Variants in CRTC2 observed in about 807,000 individuals in gnomAD.
CRTC2 encodes the protein CREB regulated transcription coactivator 2, also known as CREB-regulated transcription coactivator 2.
In CRTC2, 25 loss-of-function variants were observed where a neutral mutation model predicts 70.9. The ratio of observed to expected loss-of-function variants is 0.35; its 90% confidence interval spans 0.26 to 0.49. CRTC2 has a LOEUF of 0.49. CRTC2 is among the 20% of genes least tolerant of loss of function. CRTC2 has a pLI of 0.98. For synonymous variants in CRTC2, 330 were observed against 364.1 expected (o/e 0.91, Z 1.07); for missense variants, 737 against 882.6 (o/e 0.83, Z 2.09).
chr1:153,958,574 A>T lies in CRTC2; in HGVS notation c.-77T>A. Reference sequence around the variant, plus strand: ...GCCGCGGCCTCGGCCCGGCTCCTCCAGCCGTAGCCACCGCCGCCTCAGCGA... The same window carrying T: ...GCCGCGGCCTCGGCCCGGCTCCTCCTGCCGTAGCCACCGCCGCCTCAGCGA... On this transcript the variant is annotated 5_prime_UTR_variant, in exon 1 of 14. Transcript: ENST00000368633. 2 of 1,407,228 alleles carry T rather than the reference A, an allele frequency of 1.4e-6. No homozygotes were observed. Among genetic ancestry groups the T allele is most frequent in the Admixed American group, 2.5e-5 (1 of 40,394 alleles). 87.2% of individuals were successfully genotyped at this position (1,407,228 alleles called of 1,614,324 possible). A position where few individuals can be genotyped will look rare whatever the true frequency, so the allele number is the denominator to read the frequency against.
intron 6 of CRTC2, 36 bp from the exon 7 acceptor site, chr1:153,952,870 A>T: frequency 6.2e-7 from 1 of 1,613,870 alleles, no homozygotes; most frequent in Non-Finnish European, 8.5e-7. Flanking sequence ...TGCAGTGCTC[A>T]CTTGCCTACC....
chr1:153,954,946 T>C lies in CRTC2; in HGVS notation c.299A>G (p.His100Arg), dbSNP rs1226890360. 5 of 1,614,094 alleles carry C rather than the reference T, an allele frequency of 3.1e-6. No homozygotes were observed. The highest frequency in any genetic ancestry group is 2.2e-5 in the South Asian group (2 of 91,076). ...SPLDSSRSTR[H>R]HGLVERVQRD... ...CTGCACCCGTTCCACCAGCCCATGG[T>C]GCCGAGTGCTCCGAGATGAATCCAA... The change falls in exon 3 of 14, where the codon CAC becomes CGC. Residue 100 changes from histidine to arginine, a missense_variant. This residue lies in a region of CRTC2 where 699 missense variants were observed against 823.7 expected (regional missense o/e 0.85). Transcript: ENST00000368633.
At chr1:153,948,947 A>G (rs772460630) in intron 12 of CRTC2, 168 bp downstream of exon 12, 2 of 793,856 alleles carry the variant, frequency 2.5e-6, no homozygotes, top group South Asian at 2.9e-5. Context: ...GCAGGAAGAG[A>G]GGAGCCCCAA....
At position 153,949,333 on chromosome 1, in the gene CRTC2, A is replaced by G. The variant is rs781518783; in HGVS notation, c.1456T>C (p.Tyr486His). The G allele has an allele frequency of 6.2e-7, 1 of 1,613,914 alleles. No individual in the cohort carries two copies. The highest frequency in any genetic ancestry group is 8.5e-7 in the Non-Finnish European group (1 of 1,179,988). Residue 486 changes from tyrosine (Y) to histidine (H), a missense_variant, in exon 12 of 14, where the codon TAC becomes CAC. Physicochemically the swap from Tyr to His is moderately conservative, Grantham distance 83 (BLOSUM62 2). Coordinates refer to ENST00000368633, the MANE Select transcript of CRTC2 (RefSeq NM_181715.3). ...ACCAGACTTGGGGAGCTGTATGGGT[A>G]TGGGGGTAACCGCTGGTCAGTGGAC... The part of the protein sequence containing the change: ...KLSTDQRLPP[Y>H]PYSSPSLVLP...
At chr1:153,953,481 C>T (rs955054203) in intron 5 of CRTC2, 57 bp downstream of exon 5, 41 of 1,556,954 alleles carry the variant, frequency 2.6e-5, no homozygotes, top group Non-Finnish European at 1.9e-5. Flanking sequence ...GGTGAGGGAG[C>T]AGGGCCCCAG....
chr1:153,952,678 C>A, intron 7 of CRTC2, 43 bp from the exon 8 acceptor site: 2 of 1,611,502 alleles, frequency 1.2e-6, no homozygotes, highest in Non-Finnish European at 1.7e-6. Flanking sequence ...GGAGAAAGAG[C>A]CAGTAAGGCA....
intron 11 of CRTC2, among the ~76,000 whole-genome samples, chr1:153,950,503 A>G (rs930477649): frequency 6.6e-6 from 1 of 152,226 alleles, no homozygotes; most frequent in African/African-American, 2.4e-5. Flanking sequence ...AGTTGGGCAG[A>G]GGAGAGGGAA....
In CRTC2 at chr1:153,948,984, G is replaced by A. The variant is rs370993337; in HGVS notation, c.1674+131C>T. 29 of 1,004,836 alleles carry A rather than the reference G, an allele frequency of 2.9e-5. No individual in the cohort carries two copies. The East Asian group carries it at 5.3e-4, about 18-fold the overall frequency. 62.2% of individuals were successfully genotyped at this position (1,004,836 alleles called of 1,614,324 possible). On this transcript the variant is annotated intron_variant, in intron 12 of 13. Transcript: ENST00000368633. ...CTGGCAGTGCTATGTTACCTCCGGGGAGAGGAGATCTCCCCACCACCCACC... is the reference window on the plus strand; with the variant it reads ...CTGGCAGTGCTATGTTACCTCCGGGAAGAGGAGATCTCCCCACCACCCACC...
chr1:153,957,157 T>A (rs1680659237), intron 1 of CRTC2, among the ~76,000 whole-genome samples: 1 of 151,398 alleles, frequency 6.6e-6, no homozygotes. Flanking sequence ...CCACCTAACT[T>A]CTGACTCCCA....
intron 13 of CRTC2, 45 bp from the exon 14 acceptor site, chr1:153,948,374 T>G: frequency 6.2e-7 from 1 of 1,613,290 alleles, no homozygotes; most frequent in Non-Finnish European, 8.5e-7. Context: ...CCTGTAAACT[T>G]TTCCAAGACC....
At position 153,949,372 on chromosome 1, in the gene CRTC2, C is replaced by T. The variant is rs1245491172; in HGVS notation, c.1417G>A (p.Asp473Asn). The T allele has an allele frequency of 1.9e-6, 3 of 1,608,936 alleles. No homozygotes were observed. The highest frequency in any genetic ancestry group is 2.5e-6 in the Non-Finnish European group (3 of 1,177,534). The change falls in exon 12 of 14, where the codon GAT (aspartate) becomes AAT (asparagine). Residue 473 changes from aspartate to asparagine, a missense_variant. Transcript: ENST00000368633. ...LSSITQGVPL[D>N]TSKLSTDQRL... ...TGGTCAGTGGACAGTTTACTGGTAT[C>T]CAGGGGGACGCCCTGAAAAGAAGTA...
chr1:153,955,025 C>T, intron 2 of CRTC2, 36 bp from the exon 3 acceptor site: 1 of 1,613,068 alleles, frequency 6.2e-7, no homozygotes, highest in Non-Finnish European at 8.5e-7. Context: ...GAGGAAGCAG[C>T]CTAAGAAACT....
chr1:153,955,111 G>A lies in CRTC2; in HGVS notation c.209C>T (p.Ser70Phe), dbSNP rs758927268. Residue 70 changes from serine (S) to phenylalanine (F), a missense_variant, in exon 2 of 14, where the codon TCT becomes TTT. Physicochemically the swap from Ser to Phe is radical, Grantham distance 155 (BLOSUM62 -2). Transcript: ENST00000368633. Reference protein sequence around the residue: ...AYTRSSHYGGSLPNVNQIGSG... With the variant: ...AYTRSSHYGGFLPNVNQIGSG... ...GCCAATCTGGTTAACATTGGGCAGA[G>A]ACCCACCATAATGAGAGCTCCTTGT... The A allele has an allele frequency of 1.2e-6, 2 of 1,614,094 alleles. No homozygotes were observed.
At position 153,948,596 on chromosome 1, in the gene CRTC2, G is replaced by C; in HGVS notation, c.1723C>G (p.Pro575Ala). The C allele has an allele frequency of 6.2e-7, 1 of 1,603,336 alleles. No homozygotes were observed. The highest frequency in any genetic ancestry group is 8.5e-7 in the Non-Finnish European group (1 of 1,175,752). ...ESPSASLVLDPPGFSEGPGFL... is the reference protein window; with the variant it reads ...ESPSASLVLDAPGFSEGPGFL... ...CCAGGCCCTTCAGAAAAGCCAGGGG[G>C]ATCCAGCACCAGGCTGGCTGATGGG... The change falls in exon 13 of 14, where the codon CCC (proline) becomes GCC (alanine). Residue 575 changes from proline to alanine, a missense_variant. Pro to Ala is a conservative substitution (Grantham distance 27). Coordinates refer to ENST00000368633, the MANE Select transcript of CRTC2 (RefSeq NM_181715.3).
chr1:153,951,835 T>C, intron 10 of CRTC2, 169 bp from the exon 11 acceptor site: 1 of 1,076,306 alleles, frequency 9.3e-7, no homozygotes. Context: ...TCCTCTTCTT[T>C]CTAGGAAACA....
At position 153,953,343 on chromosome 1, in the gene CRTC2, G is replaced by A; in HGVS notation, c.530C>T (p.Thr177Ile). 6.2e-7 allele frequency: 1 copy of A among 1,604,350 alleles called. No homozygotes were observed. Among genetic ancestry groups the A allele is most frequent in the Non-Finnish European group, 8.5e-7 (1 of 1,176,954 alleles). ...CTGGGGACTGGGGTTCATCACACTT[G>A]TATGAAGGGCAGAGTCAGAGCTTGT... Reference protein sequence around the residue: ...NRTSSDSALHTSVMNPSPQDT... With the variant: ...NRTSSDSALHISVMNPSPQDT... Residue 177 changes from threonine (T) to isoleucine (I), a missense_variant, in exon 6 of 14, where the codon ACA (threonine) becomes ATA (isoleucine). Thr to Ile is a moderately conservative substitution (Grantham distance 89). Coordinates refer to ENST00000368633, the MANE Select transcript of CRTC2 (RefSeq NM_181715.3).
chr1:153,954,657 C>T (rs1680531844), intron 3 of CRTC2, among the ~76,000 whole-genome samples: 1 of 152,188 alleles, frequency 6.6e-6, no homozygotes, highest in African/African-American at 2.4e-5. Flanking sequence ...ACAGCCAGAG[C>T]CAGCCAGAGA....
intron 10 of CRTC2, 172 bp downstream of exon 10, chr1:153,951,846 C>T: frequency 9.2e-7 from 1 of 1,089,598 alleles, no homozygotes; most frequent in Non-Finnish European, 1.3e-6. Flanking sequence ...CTAGGAAACA[C>T]CACACCTACC....
At chr1:153,952,735 T>G in intron 7 of CRTC2, 70 bp downstream of exon 7, 1 of 1,610,056 alleles carries the variant, frequency 6.2e-7, no homozygotes, top group Non-Finnish European at 8.5e-7. Flanking sequence ...TCCCTGAACC[T>G]GCACACAATC....
Sources: gnomAD v4.1 joint callset for allele counts (sites outside exome capture counted in the v4.1 genomes callset) on GRCh38, gnomAD v4.1.1 for gene constraint, gnomAD v4.1.1 regional missense constraint, MANE v1.5 for transcripts, NCBI Gene and HGNC (gene_info 2026-07-23, HGNC 2026-07-21) for gene names.